The following LRPPRC variants were observed in gnomAD, a reference collection of about 807,000 sequenced individuals.
LRPPRC encodes leucine-rich PPR motif-containing protein, mitochondrial.
In LRPPRC, 120 loss-of-function variants were observed where a neutral mutation model predicts 180.3. That is an observed-to-expected ratio of 0.67 (90% confidence interval 0.57 to 0.77). LRPPRC has a LOEUF of 0.77. Among genes scored for constraint, LRPPRC ranks in the 30% least tolerant of loss-of-function variants. LRPPRC has a pLI of 0.00. For synonymous variants in LRPPRC, 723 were observed against 600.0 expected, an observed-to-expected ratio of 1.21 and a Z score of -3.00; for missense variants, 2,012 against 1,657.2, an observed-to-expected ratio of 1.21 and a Z score of -3.72.
At chr2:43,894,953 TAAC>T (rs1443263118) in intron 35 of LRPPRC, among the ~76,000 whole-genome samples, 9 of 152,310 alleles carry the variant, frequency 5.9e-5, no homozygotes, top group South Asian at 2.1e-4. Flanking sequence ...GGTAGAGAGA[TAAC>T]AACCCTATCT....
intron 11 of LRPPRC, among the ~76,000 whole-genome samples, chr2:43,966,020 T>C (rs1269288582): frequency 6.6e-6 from 1 of 152,186 alleles, no homozygotes; most frequent in Non-Finnish European, 1.5e-5. Flanking sequence ...GAAACATTTG[T>C]TCATCCCAGC....
chr2:43,920,071 C>T (rs1201111687), intron 27 of LRPPRC, among the ~76,000 whole-genome samples: 7 of 106,980 alleles, frequency 6.5e-5, no homozygotes, highest in African/African-American at 2.6e-4. Context: ...CATGGGAAAT[C>T]AGCAATTTAA....
At chr2:43,894,705 A>T (rs1261768276) in intron 35 of LRPPRC, 76 bp from the exon 36 acceptor site, 3 of 779,872 alleles carry the variant, frequency 3.8e-6, no homozygotes, top group Admixed American at 1.8e-5. Flanking sequence ...AATCAACACT[A>T]TATTAAAAAT....
In LRPPRC at chr2:43,943,990, T is replaced by C. The variant is rs548874361; in HGVS notation, c.2297-96A>G. Reference sequence around the variant, plus strand: ...ATTTCAAGCCCAGCAGGAATGTAAATTCTAGTGTATAATGCCGATTTCAAG... The same window carrying C: ...ATTTCAAGCCCAGCAGGAATGTAAACTCTAGTGTATAATGCCGATTTCAAG... On this transcript the variant is annotated intron_variant, in intron 22 of 37. Transcript: ENST00000260665. 3 of 850,886 alleles carry C rather than the reference T, an allele frequency of 3.5e-6. No individual in the cohort carries two copies. In the South Asian group the frequency reaches 4.2e-5, roughly 12 times the overall value. The allele number at this position is 850,886 out of a possible 1,614,324, so 52.7% of individuals were successfully genotyped here.
In LRPPRC at chr2:43,995,982, G is replaced by T. The variant is rs561311761; in HGVS notation, c.-35C>A. 6.6e-7 allele frequency: 1 copy of T among 1,522,370 alleles called. No homozygotes were observed. The allele number at this position is 1,522,370 out of a possible 1,614,324, so 94.3% of individuals were successfully genotyped here. ...GTCCCCGCAGCGGGAAGCACGCTCCGCCAGAAGGACAGGAGGAGCATGTGA... is the reference window on the plus strand; with the variant it reads ...GTCCCCGCAGCGGGAAGCACGCTCCTCCAGAAGGACAGGAGGAGCATGTGA... On this transcript the variant is annotated 5_prime_UTR_variant, in exon 1 of 38. Coordinates refer to ENST00000260665, the MANE Select transcript of LRPPRC (RefSeq NM_133259.4).
chr2:43,964,184 GAA>G (rs1423446080), intron 11 of LRPPRC, among the ~76,000 whole-genome samples: 2 of 152,254 alleles, frequency 1.3e-5, no homozygotes, highest in African/African-American at 4.8e-5. Flanking sequence ...ATGTAAGAAG[GAA>G]AAATTAATAG....
At chr2:43,946,700 A>AT (rs1672694108) in intron 20 of LRPPRC, among the ~76,000 whole-genome samples, 2 of 151,990 alleles carry the variant, frequency 1.3e-5, no homozygotes, top group Non-Finnish European at 1.5e-5. Flanking sequence ...TAGTCATGAT[A>AT]TTTTTTCCCT....
rs375831894 is a variant in LRPPRC at position 43,976,244 on chromosome 2, C to G, written c.651-15G>C. 5.8e-6 allele frequency: 8 copies of G among 1,390,934 alleles called. No individual in the cohort carries two copies. The African/African-American group carries it at 9.9e-5, about 17-fold the overall frequency. 86.2% of individuals were successfully genotyped at this position (1,390,934 alleles called of 1,614,324 possible). On this transcript the variant is annotated splice_polypyrimidine_tract_variant and intron_variant, in intron 5 of 37. Transcript: ENST00000260665. ...CAAGAATCTTGCTGCAAAGGAAAAA[C>G]GAAGATACTCATTGAAAGTATTTAT...
intron 32 of LRPPRC, among the ~76,000 whole-genome samples, chr2:43,900,448 G>A (rs865778546): frequency 6.6e-6 from 1 of 152,104 alleles, no homozygotes. Flanking sequence ...TTACTTAATA[G>A]TGAATATGTT....
At chr2:43,959,378 A>G (rs1673248200) in intron 13 of LRPPRC, among the ~76,000 whole-genome samples, 1 of 152,240 alleles carries the variant, frequency 6.6e-6, no homozygotes, top group Non-Finnish European at 1.5e-5. Context: ...TTTAAGCGAC[A>G]TGCACAAGTA....
chr2:43,924,716 G>A lies in LRPPRC; in HGVS notation c.2896+351C>T, dbSNP rs79361168. Among the ~76,000 whole-genome samples, 1,063 of 152,288 alleles carry A rather than the reference G, an allele frequency of 7.0e-3. 9 individuals are homozygous for A. The highest frequency in any genetic ancestry group is 0.02 in the Middle Eastern group (6 of 294). ...AATCTCTACTTACATGAATGTGTTG[G>A]TGGTTACCTATTTATAAAAGTCACC... On this transcript the variant is annotated intron_variant, in intron 27 of 37. Coordinates refer to ENST00000260665, the MANE Select transcript of LRPPRC (RefSeq NM_133259.4).
At chr2:43,918,802 T>TAG (rs1558938286) in intron 27 of LRPPRC, among the ~76,000 whole-genome samples, 15 of 135,748 alleles carry the variant, frequency 1.1e-4, no homozygotes, top group African/African-American at 4.4e-4. Flanking sequence ...GATATATATA[T>TAG]ATATATAGAT....
At chr2:43,917,960 C>T (rs1481765432) in intron 29 of LRPPRC, 65 bp downstream of exon 29, 2 of 1,146,138 alleles carry the variant, frequency 1.7e-6, no homozygotes, top group African/African-American at 1.5e-5. Flanking sequence ...TGGGCTTACA[C>T]CCCACACTGC....
In LRPPRC at chr2:43,987,554, C is replaced by G. The variant is rs1252799474; in HGVS notation, c.150-5120G>C. Among the ~76,000 whole-genome samples, 8 of 150,936 alleles carry G rather than the reference C, an allele frequency of 5.3e-5. No homozygotes were observed. In the East Asian group the frequency reaches 1.6e-3, roughly 29 times the overall value. On this transcript the variant is annotated intron_variant, in intron 1 of 37. Coordinates refer to ENST00000260665, the MANE Select transcript of LRPPRC (RefSeq NM_133259.4). ...AATTTCTCCACTGCAACCAACCATTCCACTAATACCCTGTTCCCACAAACT... is the reference window on the plus strand; with the variant it reads ...AATTTCTCCACTGCAACCAACCATTGCACTAATACCCTGTTCCCACAAACT...
rs371426937 is a variant in LRPPRC at position 43,948,459 on chromosome 2, C to T, written c.1795G>A (p.Ala599Thr). 8 of 1,613,364 alleles carry T rather than the reference C, an allele frequency of 5.0e-6. No individual in the cohort carries two copies. Among genetic ancestry groups the T allele is most frequent in the Non-Finnish European group, 6.8e-6 (8 of 1,179,356 alleles). ...IDSMSDSEVQAKEEHLRQYFH... is the reference protein window; with the variant it reads ...IDSMSDSEVQTKEEHLRQYFH... ...TATTGTCTCAAATGCTCCTCCTTGG[C>T]CTGTACCTCTGAGTCACTCATGCTG... The change falls in exon 17 of 38, where the codon GCC (alanine) becomes ACC (threonine). Residue 599 changes from alanine (A) to threonine (T), a missense_variant. Coordinates refer to ENST00000260665, the MANE Select transcript of LRPPRC (RefSeq NM_133259.4).
rs1438782982 is a variant in LRPPRC, at chr2:43,960,574, C to A, written c.1549G>T (p.Ala517Ser). 6.2e-7 allele frequency: 1 copy of A among 1,603,954 alleles called. No homozygotes were observed. Among genetic ancestry groups the A allele is most frequent in the Non-Finnish European group, 8.5e-7 (1 of 1,171,886 alleles). The stretch of plus-strand genomic sequence containing the variant: ...AATACAAAGTCTAAGTTCCCATTTG[C>A]TGCTTCACTTCTCAATCCAGCTTGA... ...FSQAGLRSEA[A>S]NGNLDFVLSF... Residue 517 changes from alanine (A) to serine (S), a missense_variant, in exon 13 of 38, where the codon GCA (alanine) becomes TCA (serine). Ala to Ser is a moderately conservative substitution (Grantham distance 99). Transcript: ENST00000260665.
chr2:43,987,682 T>C (rs1674591006), intron 1 of LRPPRC, among the ~76,000 whole-genome samples: 1 of 152,140 alleles, frequency 6.6e-6, no homozygotes, highest in African/African-American at 2.4e-5. Context: ...GATGAACTCA[T>C]GGATTTCTGC....
chr2:43,982,586 G>C (rs1674361260), intron 1 of LRPPRC, 152 bp from the exon 2 acceptor site: 2 of 638,814 alleles, frequency 3.1e-6, no homozygotes, highest in Non-Finnish European at 5.5e-6. Context: ...GGGAAAGAAA[G>C]TTTTAGCTTT....
chr2:43,946,430 C>A lies in LRPPRC; in HGVS notation c.2080-187G>T, dbSNP rs575423543. ...CTCTAAGAAGTGGGCAAGTCTTACA[C>A]GTGTAGGGGTTAAAAGATGTGTTAT... On this transcript the variant is annotated intron_variant, in intron 20 of 37. Coordinates refer to ENST00000260665, the MANE Select transcript of LRPPRC (RefSeq NM_133259.4). Among the ~76,000 whole-genome samples, 5 of 152,056 alleles carry A rather than the reference C, an allele frequency of 3.3e-5. No homozygotes were observed. In the South Asian group the frequency reaches 1.0e-3, roughly 32 times the overall value.
Sources: gnomAD v4.1 joint callset for allele counts (sites outside exome capture counted in the v4.1 genomes callset) on GRCh38, gnomAD v4.1.1 for gene constraint, MANE v1.5 for transcripts, NCBI Gene and HGNC (gene_info 2026-07-23, HGNC 2026-07-21) for gene names.